Variants in SV2B observed in about 807,000 individuals in gnomAD.
SV2B encodes solute carrier family 22 member B2.
SV2B carries 41 observed loss-of-function variants against 73.9 expected under a neutral mutation model. The ratio of observed to expected loss-of-function variants is 0.56; its 90% CI spans 0.43 to 0.72. SV2B has a LOEUF of 0.72. Ranked by LOEUF, SV2B falls within the 30% of genes least tolerant of loss-of-function variation. SV2B has a pLI of 0.00. For missense variants in SV2B, 764 were observed against 857.8 expected (o/e 0.89, Z 1.37); for synonymous variants, 314 against 314.2 (o/e 1.00, Z 0.01).
At chr15:91,111,034 T>C (rs1026175965) in intron 1 of SV2B, among the ~76,000 whole-genome samples, 6 of 152,046 alleles carry the variant, frequency 3.9e-5, no homozygotes, top group Admixed American at 2.6e-4. Context: ...TTTCCCATGA[T>C]GGATAAGGTC....
Position 91,124,666 on chromosome 15 carries a change from T to G in SV2B, c.-392+24303T>G, listed in dbSNP as rs2042426967. Among the ~76,000 whole-genome samples the G allele has an allele frequency of 6.6e-6, 1 of 152,144 alleles. No homozygotes were observed. Among genetic ancestry groups the G allele is most frequent in the Non-Finnish European group, 1.5e-5 (1 of 68,022 alleles). ...TTTCTTTCTTTCAACAAAAATTTTT[T>G]TTTTTTTGAGACAGTCTCACTCTGT... On this transcript the variant is annotated intron_variant, in intron 1 of 12. Transcript: ENST00000394232. This position sits in a 1 kb window ranked among gnomAD's most constrained non-coding sequence, Gnocchi z 4.6.
chr15:91,290,370 A>G lies in SV2B; in HGVS notation c.1868+690A>G, dbSNP rs889871195. Among the ~76,000 whole-genome samples the G allele has an allele frequency of 6.6e-6, 1 of 152,226 alleles. No homozygotes were observed. The highest frequency in any genetic ancestry group is 6.5e-5 in the Admixed American group (1 of 15,288). On this transcript the variant is annotated intron_variant, in intron 12 of 12. Transcript: ENST00000394232. The surrounding 1 kb of genome is among the most constrained non-coding windows in gnomAD (Gnocchi z 4.7). ...CAGAGGTATTGGGATATAGATAACT[A>G]AGGAAGAGCACAACGTGTCATATTT...
rs2047494677 is a variant in SV2B, at chr15:91,251,833, T to C, written c.466T>C (p.Leu156=). 2 of 1,614,156 alleles carry C rather than the reference T, an allele frequency of 1.2e-6. No individual in the cohort carries two copies. The highest frequency in any genetic ancestry group is 1.7e-6 in the Non-Finnish European group (2 of 1,180,018). Residue 156 remains leucine (L), a synonymous_variant, in exon 3 of 13, where the codon TTG becomes CTG. Transcript: ENST00000394232. ...KKGMLGMIVY[L]GMMAGAFILG... ...CCTCATTGCAGGGATGATAGTCTAC[T>C]TGGGAATGATGGCGGGCGCCTTCAT... is the stretch of plus-strand genomic sequence containing the variant.
rs1198520142 is a variant in SV2B, at chr15:91,258,513, G to T, written c.877G>T (p.Ala293Ser). 6.2e-7 allele frequency: 1 copy of T among 1,613,982 alleles called. No homozygotes were observed. The highest frequency in any genetic ancestry group is 8.5e-7 in the Non-Finnish European group (1 of 1,179,978). Residue 293 changes from alanine (A) to serine (S), a missense_variant, in exon 5 of 13, where the codon GCC (alanine) becomes TCC (serine). Ala to Ser is a moderately conservative substitution (Grantham distance 99, BLOSUM62 1). Coordinates refer to ENST00000394232, the MANE Select transcript of SV2B (RefSeq NM_001323032.3). The surrounding 1 kb of genome is among the most constrained non-coding windows in gnomAD (Gnocchi z 4.7). ...TCTGCCCTGCACCGTGTCCATGGTG[G>T]CCCTGAAGTTCATGCCAGAGAGCCC... ...CALPCTVSMVALKFMPESPRF... is the reference protein window; with the variant it reads ...CALPCTVSMVSLKFMPESPRF...
chr15:91,158,912 C>A (rs1039899253), intron 1 of SV2B, among the ~76,000 whole-genome samples: 1 of 151,568 alleles, frequency 6.6e-6, no homozygotes, highest in Non-Finnish European at 1.5e-5. Context: ...AACCAGTTTG[C>A]CCTTTTGCAA....
intron 1 of SV2B, among the ~76,000 whole-genome samples, chr15:91,199,973 C>T (rs1364370391): frequency 6.6e-6 from 1 of 152,182 alleles, no homozygotes; most frequent in East Asian, 1.9e-4. Flanking sequence ...AGGCAAGCTC[C>T]TACAGCTCAG....
chr15:91,173,100 G>A (rs181004777), intron 1 of SV2B, among the ~76,000 whole-genome samples: 1 of 152,322 alleles, frequency 6.6e-6, no homozygotes, highest in East Asian at 1.9e-4. Flanking sequence ...TGAGGAGTGG[G>A]CCTCTGTGAG....
At chr15:91,101,908 G>A (rs1465120904) in intron 1 of SV2B, 1 of 152,138 alleles carries the variant, frequency 6.6e-6, no homozygotes, top group Non-Finnish European at 1.5e-5. Context: ...CTGAATTCCA[G>A]GACTATGAAG....
At chr15:91,225,029 G>A (rs911000086) in intron 1 of SV2B, among the ~76,000 whole-genome samples, 3 of 152,204 alleles carry the variant, frequency 2.0e-5, no homozygotes, top group Non-Finnish European at 2.9e-5. Flanking sequence ...GTATTTACCC[G>A]TGCAGACCAG....
chr15:91,112,232 C>T (rs1209968446), intron 1 of SV2B, among the ~76,000 whole-genome samples: 1 of 152,084 alleles, frequency 6.6e-6, no homozygotes, highest in Non-Finnish European at 1.5e-5. Context: ...TAAATGTTGT[C>T]ACCAGATGTG....
chr15:91,226,770 A>G (rs955540848), intron 2 of SV2B, 56 bp downstream of exon 2: 10 of 1,554,324 alleles, frequency 6.4e-6, no homozygotes, highest in African/African-American at 1.4e-5. Flanking sequence ...AGTAAAATTT[A>G]TCTAGTATCT....
At chr15:91,111,873 A>G (rs1030061879) in intron 1 of SV2B, among the ~76,000 whole-genome samples, 1 of 151,966 alleles carries the variant, frequency 6.6e-6, no homozygotes, top group African/African-American at 2.4e-5. Flanking sequence ...AGAGAGAGAG[A>G]GGGGAGTTGC....
chr15:91,154,970 G>A (rs78195598), intron 1 of SV2B, among the ~76,000 whole-genome samples: 2,763 of 152,276 alleles, frequency 0.018, 98 homozygotes, highest in African/African-American at 0.063. Flanking sequence ...TGATGACTCA[G>A]TAAACGAGTG....
chr15:91,198,705 T>C lies in SV2B; in HGVS notation c.-391-27168T>C, dbSNP rs551442422. On this transcript the variant is annotated intron_variant, in intron 1 of 12. Coordinates refer to ENST00000394232, the MANE Select transcript of SV2B (RefSeq NM_001323032.3). ...GAATGGGAGGGGTAACCCTAGACGA[T>C]ACGGAGAAAGCAATAATCTGGCTGT... 1.0e-3 allele frequency among the ~76,000 whole-genome samples: 155 copies of C among 152,356 alleles called. 1 individual carries two copies. The highest frequency in any genetic ancestry group is 1.8e-3 in the Non-Finnish European group (123 of 68,038).
chr15:91,206,233 G>C (rs554254148), intron 1 of SV2B, among the ~76,000 whole-genome samples: 1 of 142,602 alleles, frequency 7.0e-6, no homozygotes, highest in Non-Finnish European at 1.5e-5. Flanking sequence ...TCAGATACAG[G>C]TTCTCTTTGT....
intron 1 of SV2B, among the ~76,000 whole-genome samples, chr15:91,198,015 A>G (rs1018191481): frequency 6.6e-6 from 1 of 152,236 alleles, no homozygotes; most frequent in African/African-American, 2.4e-5. Context: ...AGCCTGGGCA[A>G]CAGAGCGAGA....
intron 1 of SV2B, among the ~76,000 whole-genome samples, chr15:91,180,173 GA>G (rs1474557794): frequency 1.3e-4 from 20 of 152,140 alleles, no homozygotes; most frequent in Non-Finnish European, 2.5e-4. Context: ...GGCTGGATAT[GA>G]AATTTTGGGT....
At chr15:91,208,914 C>T (rs1482362662) in intron 1 of SV2B, among the ~76,000 whole-genome samples, 1 of 152,034 alleles carries the variant, frequency 6.6e-6, no homozygotes, top group Non-Finnish European at 1.5e-5. Flanking sequence ...CGTGGGTTTC[C>T]ACTATTCTTG....
At position 91,119,464 on chromosome 15, in the gene SV2B, G is replaced by A. The variant is rs140350969; in HGVS notation, c.-392+19101G>A. 3.2e-3 allele frequency among the ~76,000 whole-genome samples: 480 copies of A among 152,266 alleles called. 2 individuals carry two copies. Among genetic ancestry groups the A allele is most frequent in the African/African-American group, 0.011 (460 of 41,544 alleles). ...TGATACAATACCCAGAGTGCGACTC[G>A]TTTCAAGCTTTGCGTTTGCCATGGA... On this transcript the variant is annotated intron_variant, in intron 1 of 12. Transcript: ENST00000394232.
Sources: gnomAD v4.1 joint callset for allele counts (sites outside exome capture counted in the v4.1 genomes callset) on GRCh38, gnomAD v4.1.1 for gene constraint, Gnocchi (gnomAD v3.1) non-coding constraint, MANE v1.5 for transcripts, NCBI Gene and HGNC (gene_info 2026-07-23, HGNC 2026-07-21) for gene names.